MGAT4C: variants seen among roughly 807,000 people sequenced by gnomAD.
MGAT4C encodes the protein MGAT4 family member C, also known as alpha-1,3-mannosyl-glycoprotein 4-beta-N-acetylglucosaminyltransferase C.
Under a neutral mutation model 40.1 loss-of-function variants are expected in MGAT4C, and 19 were observed. The ratio of observed to expected loss-of-function variants is 0.47; its 90% CI spans 0.33 to 0.70. The LOEUF (loss-of-function observed/expected upper bound fraction) is 0.70. MGAT4C is among the 30% of genes least tolerant of loss of function. The probability of loss-of-function intolerance (pLI) is 0.02; values close to 1 mark genes in which losing one functional copy is unlikely to be tolerated. For missense variants in MGAT4C, 491 were observed against 563.2 expected (o/e 0.87, Z 1.30); for synonymous variants, 181 against 187.1 (o/e 0.97, Z 0.27).
At chr12:86,267,898 G>C (rs1952828206) in intron 4 of MGAT4C, among the ~76,000 whole-genome samples, 1 of 152,120 alleles carries the variant, frequency 6.6e-6, no homozygotes, top group Admixed American at 6.6e-5. Flanking sequence ...CAATTCCTGA[G>C]TAACTCTAAT....
At chr12:86,805,148 ATT>A (rs1355076771) in intron 1 of MGAT4C, among the ~76,000 whole-genome samples, 2 of 152,096 alleles carry the variant, frequency 1.3e-5, no homozygotes, top group African/African-American at 2.4e-5. Context: ...ATAATATGAT[ATT>A]GTTTGTTTAA....
At chr12:86,829,336 T>A (rs963270059) in intron 1 of MGAT4C, among the ~76,000 whole-genome samples, 3 of 151,560 alleles carry the variant, frequency 2.0e-5, no homozygotes, top group Admixed American at 6.6e-5. Context: ...AGTCTATACA[T>A]CCTTCCAAGC....
chr12:86,249,699 A>G (rs1203130720), intron 1 of MGAT4C, among the ~76,000 whole-genome samples: 1 of 152,138 alleles, frequency 6.6e-6, no homozygotes, highest in Admixed American at 6.6e-5. Flanking sequence ...GCTTATGATA[A>G]GCAACTTGAC....
chr12:86,253,883 A>G (rs951797893), intron 1 of MGAT4C, among the ~76,000 whole-genome samples: 18 of 152,136 alleles, frequency 1.2e-4, no homozygotes, highest in African/African-American at 4.1e-4. Context: ...AAGTGTTAAA[A>G]TATACAAAAG....
intron 2 of MGAT4C, among the ~76,000 whole-genome samples, chr12:86,677,823 T>C (rs186338356): frequency 1.3e-5 from 2 of 152,262 alleles, no homozygotes; most frequent in Non-Finnish European, 1.5e-5. Flanking sequence ...TTTAGCCATG[T>C]TAATTTTCAA....
At chr12:86,142,477 C>T (rs1007336683) in intron 1 of MGAT4C, among the ~76,000 whole-genome samples, 1 of 152,112 alleles carries the variant, frequency 6.6e-6, no homozygotes, top group Admixed American at 6.6e-5. Flanking sequence ...TATTTTACAT[C>T]AGAATCTATT....
intron 2 of MGAT4C, among the ~76,000 whole-genome samples, chr12:86,647,036 C>T (rs144514633): frequency 2.3e-4 from 35 of 151,884 alleles, no homozygotes; most frequent in Admixed American, 1.7e-3. Context: ...TGGACTATCA[C>T]GTAATGAAGC....
intron 4 of MGAT4C, among the ~76,000 whole-genome samples, chr12:86,276,598 C>T (rs1953086891): frequency 6.6e-6 from 1 of 152,174 alleles, no homozygotes; most frequent in Non-Finnish European, 1.5e-5. Flanking sequence ...CCTTTCTCAA[C>T]TTCTGGAAAC....
intron 1 of MGAT4C, among the ~76,000 whole-genome samples, chr12:86,791,712 T>C (rs905606257): frequency 6.6e-6 from 1 of 152,160 alleles, no homozygotes; most frequent in African/African-American, 2.4e-5. Flanking sequence ...AAGAAGGCAT[T>C]TGCCTAGAAC....
intron 2 of MGAT4C, among the ~76,000 whole-genome samples, chr12:86,041,377 G>A (rs1314237348): frequency 6.6e-6 from 1 of 151,818 alleles, no homozygotes; most frequent in Non-Finnish European, 1.5e-5. Context: ...GAGATACTTT[G>A]CTGTTGTTTC....
At chr12:86,834,894 G>A (rs1346998628) in intron 1 of MGAT4C, among the ~76,000 whole-genome samples, 3 of 151,804 alleles carry the variant, frequency 2.0e-5, no homozygotes, top group Non-Finnish European at 1.5e-5. Context: ...TTGCTTTTGT[G>A]TCCACATTTT....
intron 1 of MGAT4C, among the ~76,000 whole-genome samples, chr12:86,229,137 CAA>C (rs1300333486): frequency 6.6e-6 from 1 of 151,678 alleles, no homozygotes; most frequent in Non-Finnish European, 1.5e-5. Context: ...AAATAAATAA[CAA>C]AGTTAAAATA....
intron 2 of MGAT4C, among the ~76,000 whole-genome samples, chr12:86,476,911 G>T (rs73191464): frequency 0.1 from 15,789 of 152,002 alleles, 1,029 homozygotes; most frequent in Middle Eastern, 0.25. Flanking sequence ...TAGCAGTATA[G>T]ACTGGGGGAT....
rs1222981205 is a variant in MGAT4C, at chr12:86,641,396, C to G, written c.-229+85813G>C. ...GGGTGGGGGGAGAGGGGAGGGATAG[C>G]TTTAGGAGATATACCTAATGCTAAA... is the stretch of plus-strand genomic sequence containing the variant. On this transcript the variant is annotated intron_variant, in intron 2 of 7. Transcript: ENST00000548651. Among the ~76,000 whole-genome samples, 5 of 151,752 alleles carry G rather than the reference C, an allele frequency of 3.3e-5. No individual in the cohort carries two copies. The East Asian group carries it at 9.8e-4, about 30-fold the overall frequency.
At chr12:86,363,888 A>G (rs1017382442) in intron 3 of MGAT4C, among the ~76,000 whole-genome samples, 21 of 152,168 alleles carry the variant, frequency 1.4e-4, no homozygotes, top group Non-Finnish European at 2.8e-4. Context: ...ATTTATGCCT[A>G]TAAGTTCAAC....
chr12:86,065,124 C>T (rs1894406762), intron 1 of MGAT4C, among the ~76,000 whole-genome samples: 1 of 152,128 alleles, frequency 6.6e-6, no homozygotes. Flanking sequence ...CTGCATTCTA[C>T]CAGAGGTACA....
intron 4 of MGAT4C, among the ~76,000 whole-genome samples, chr12:86,272,381 C>T (rs753316117): frequency 6.6e-5 from 10 of 152,004 alleles, no homozygotes; most frequent in African/African-American, 2.4e-4. Context: ...TGAGCCTATG[C>T]GTTCAATTCT....
intron 1 of MGAT4C, among the ~76,000 whole-genome samples, chr12:86,774,267 A>G (rs1593194645): frequency 2.0e-5 from 2 of 102,244 alleles, no homozygotes; most frequent in East Asian, 6.1e-4. Context: ...TTAAAAAGTA[A>G]CTTCTAAGGC....
chr12:86,012,803 A>G (rs1888633939), intron 2 of MGAT4C, among the ~76,000 whole-genome samples: 2 of 150,374 alleles, frequency 1.3e-5, no homozygotes, highest in South Asian at 2.2e-4. Flanking sequence ...CACCACCACC[A>G]CCACCACCAC....
Sources: gnomAD v4.1 joint callset for allele counts (sites outside exome capture counted in the v4.1 genomes callset) on GRCh38, gnomAD v4.1.1 for gene constraint, MANE v1.5 for transcripts, NCBI Gene and HGNC (gene_info 2026-07-23, HGNC 2026-07-21) for gene names.